The following CEP112 variants were observed in gnomAD, a reference collection of about 807,000 sequenced individuals.
The protein encoded by CEP112 is centrosomal protein of 112 kDa.
Under a neutral mutation model 153.0 loss-of-function variants are expected in CEP112, and 127 were observed. The ratio of observed to expected loss-of-function variants is 0.83; its 90% confidence interval spans 0.72 to 0.96. The LOEUF is 0.96. Ranked by LOEUF, CEP112 falls within the 40% of genes least tolerant of loss-of-function variation. The pLI is 0.00. For missense variants in CEP112, 1,089 were observed against 1,101.2 expected, an observed-to-expected ratio of 0.99 and a Z score of 0.16; for synonymous variants, 358 against 374.4, an observed-to-expected ratio of 0.96 and a Z score of 0.51.
intron 18 of CEP112, among the ~76,000 whole-genome samples, chr17:65,944,243 A>T (rs1344992291): frequency 6.6e-6 from 1 of 152,218 alleles, no homozygotes; most frequent in Non-Finnish European, 1.5e-5. Flanking sequence ...GATGGGTTGA[A>T]AGGTGCAGTA....
chr17:65,677,046 C>G (rs2047272161), intron 24 of CEP112, among the ~76,000 whole-genome samples: 1 of 151,664 alleles, frequency 6.6e-6, no homozygotes, highest in Admixed American at 6.6e-5. Flanking sequence ...CTGAGAAGAG[C>G]CCCCCAAATA....
chr17:65,995,431 T>C (rs1419729747), intron 17 of CEP112, among the ~76,000 whole-genome samples: 1 of 152,130 alleles, frequency 6.6e-6, no homozygotes, highest in Non-Finnish European at 1.5e-5. Context: ...ACCTAGATGT[T>C]CTCCAGATAG....
chr17:65,765,306 G>A (rs907902429), intron 21 of CEP112, among the ~76,000 whole-genome samples: 12 of 148,690 alleles, frequency 8.1e-5, no homozygotes, highest in Non-Finnish European at 5.9e-5. Flanking sequence ...TCTTTTCTTT[G>A]GGGTCAGTTA....
At chr17:66,037,824 G>C (rs1012181421) in intron 12 of CEP112, among the ~76,000 whole-genome samples, 1 of 151,934 alleles carries the variant, frequency 6.6e-6, no homozygotes, top group Non-Finnish European at 1.5e-5. Context: ...AAACTTTACT[G>C]GTTTGTCAAA....
chr17:66,001,121 C>T (rs2064026899), intron 17 of CEP112, among the ~76,000 whole-genome samples: 1 of 152,182 alleles, frequency 6.6e-6, no homozygotes, highest in African/African-American at 2.4e-5. Flanking sequence ...CCCAAATGGG[C>T]TTGTCTCCCA....
chr17:65,651,677 C>T (rs2045785843), intron 24 of CEP112, among the ~76,000 whole-genome samples: 1 of 147,882 alleles, frequency 6.8e-6, no homozygotes, highest in Admixed American at 6.8e-5. Context: ...TTCCTTCCTT[C>T]CTTCCTTCTT....
At chr17:65,715,191 G>C (rs1212795898) in intron 23 of CEP112, among the ~76,000 whole-genome samples, 1 of 152,126 alleles carries the variant, frequency 6.6e-6, no homozygotes, top group East Asian at 1.9e-4. Flanking sequence ...AAGGATGGAG[G>C]GGAAATATGC....
intron 16 of CEP112, among the ~76,000 whole-genome samples, chr17:66,017,990 A>G (rs527261540): frequency 2.5e-5 from 3 of 117,830 alleles, no homozygotes; most frequent in African/African-American, 6.9e-5. Flanking sequence ...ACAGAGCAAG[A>G]CTCTGTCTCA....
intron 21 of CEP112, among the ~76,000 whole-genome samples, chr17:65,851,389 A>T (rs1290755335): frequency 6.6e-6 from 1 of 152,246 alleles, no homozygotes; most frequent in Non-Finnish European, 1.5e-5. Flanking sequence ...TTTATGTGAC[A>T]CTGTTATAAA....
At chr17:66,179,009 C>T (rs1027599626) in intron 2 of CEP112, among the ~76,000 whole-genome samples, 4 of 152,058 alleles carry the variant, frequency 2.6e-5, no homozygotes, top group African/African-American at 7.2e-5. Context: ...TGTAAATGTA[C>T]GGATTTGTAT....
At chr17:65,865,514 T>C (rs956119049) in intron 20 of CEP112, among the ~76,000 whole-genome samples, 3 of 152,204 alleles carry the variant, frequency 2.0e-5, no homozygotes, top group Non-Finnish European at 2.9e-5. Flanking sequence ...CAAGGCAACC[T>C]AGTGCACCAC....
intron 24 of CEP112, among the ~76,000 whole-genome samples, chr17:65,673,177 C>A (rs2047066519): frequency 6.6e-6 from 1 of 152,154 alleles, no homozygotes; most frequent in Non-Finnish European, 1.5e-5. Flanking sequence ...ACTTCCTTGG[C>A]ACTACAGGGC....
At position 65,635,636 on chromosome 17, in the gene CEP112, G is replaced by A. The variant is rs936921394; in HGVS notation, c.*335C>T. The A allele has an allele frequency of 8.8e-6, 3 of 342,388 alleles. No homozygotes were observed. The highest frequency in any genetic ancestry group is 1.6e-5 in the Non-Finnish European group (3 of 190,854). The allele number at this position is 342,388 out of a possible 1,614,324, so 21.2% of individuals were successfully genotyped here. A position where few individuals can be genotyped will look rare whatever the true frequency, so the allele number is the denominator to read the frequency against. On this transcript the variant is annotated 3_prime_UTR_variant, in exon 27 of 27. Coordinates refer to ENST00000535342, the MANE Select transcript of CEP112 (RefSeq NM_001199165.4). ...GATATGATACTACAAACGTGATTTTGATCGTACGCAACTGGTAAAATTCTA... is the reference window on the plus strand; with the variant it reads ...GATATGATACTACAAACGTGATTTTAATCGTACGCAACTGGTAAAATTCTA...
intron 17 of CEP112, among the ~76,000 whole-genome samples, chr17:65,971,522 T>C (rs996718208): frequency 6.0e-5 from 9 of 149,820 alleles, no homozygotes; most frequent in Non-Finnish European, 1.0e-4. Flanking sequence ...ACATTACATG[T>C]GTATCACCTA....
At chr17:66,050,376 A>G (rs1463535523) in intron 12 of CEP112, among the ~76,000 whole-genome samples, 2 of 152,174 alleles carry the variant, frequency 1.3e-5, no homozygotes, top group Non-Finnish European at 2.9e-5. Flanking sequence ...AAGGACTCCC[A>G]GGGATCTGTT....
chr17:65,789,300 A>C (rs117859736), intron 21 of CEP112, among the ~76,000 whole-genome samples: 3,265 of 152,268 alleles, frequency 0.021, 44 homozygotes, highest in Non-Finnish European at 0.031. Flanking sequence ...GAATTTTTCT[A>C]GTAGCCTTCT....
intron 18 of CEP112, among the ~76,000 whole-genome samples, chr17:65,936,809 C>CTCCTCCCCCCCCCCCCCCCCCTCT (rs1555720992): frequency 1.1e-5 from 1 of 94,728 alleles, no homozygotes; most frequent in African/African-American, 3.6e-5. Context: ...CCTCCCCCTC[C>CTCCTCCCCCCCCCCCCCCCCCTCT]CCCTCTCCCC....
intron 6 of CEP112, among the ~76,000 whole-genome samples, chr17:66,106,612 C>T (rs1038598812): frequency 3.3e-5 from 5 of 151,800 alleles, no homozygotes; most frequent in African/African-American, 1.2e-4. Context: ...TAAAACCTGA[C>T]CAGAACAAAA....
chr17:66,154,002 AG>A (rs573938502), intron 4 of CEP112, among the ~76,000 whole-genome samples: 4,791 of 18,078 alleles, frequency 0.27, 118 homozygotes, highest in South Asian at 0.38. Context: ...ATCTCTACTA[AG>A]AAAAAAAAAA....
Sources: allele counts gnomAD v4.1 joint callset (sites outside exome capture counted in the v4.1 genomes callset), GRCh38; gene constraint gnomAD v4.1.1; transcripts MANE v1.5; gene names NCBI Gene and HGNC (gene_info 2026-07-23, HGNC 2026-07-21).